XPR1: variants seen among roughly 807,000 people sequenced by gnomAD.
XPR1 encodes xenotropic and polytropic retrovirus receptor 1.
In XPR1, 28 loss-of-function variants were observed where a neutral mutation model predicts 87.5. The ratio of observed to expected loss-of-function variants is 0.32; its 90% CI spans 0.24 to 0.44. XPR1 has a LOEUF of 0.44. Ranked by LOEUF, XPR1 falls within the 20% of genes least tolerant of loss-of-function variation. The probability of loss-of-function intolerance (pLI) is 1.00; values close to 1 mark genes in which losing one functional copy is unlikely to be tolerated. For missense variants in XPR1, 559 were observed against 862.3 expected (o/e 0.65, Z 4.41); for synonymous variants, 300 against 306.1 (o/e 0.98, Z 0.21).
intron 11 of XPR1, among the ~76,000 whole-genome samples, chr1:180,846,877 C>G (rs541443755): frequency 1.3e-5 from 2 of 151,814 alleles, no homozygotes; most frequent in Non-Finnish European, 2.9e-5. Flanking sequence ...AAAAATGATG[C>G]CACTTAATAG....
intron 1 of XPR1, among the ~76,000 whole-genome samples, chr1:180,668,625 A>T (rs1190422590): frequency 6.6e-6 from 1 of 151,976 alleles, no homozygotes; most frequent in Non-Finnish European, 1.5e-5. Flanking sequence ...TCCTCTCTAA[A>T]TGTTTTACAA....
In XPR1 at chr1:180,708,920, G is replaced by T. The variant is rs1198908134; in HGVS notation, c.121+26509G>T. On this transcript the variant is annotated intron_variant, in intron 2 of 14. Transcript: ENST00000367590. ...TTTTTTTTTTTTTTTGGGGGGGGGG[G>T]GGCGGGGGCGGGGACAAGTCTCGCT... Among the ~76,000 whole-genome samples, 8 of 103,962 alleles carry T rather than the reference G, an allele frequency of 7.7e-5. No homozygotes were observed. In the East Asian group the frequency reaches 1.9e-3, roughly 25 times the overall value. 68.2% of individuals were successfully genotyped at this position (103,962 alleles called of 152,430 possible). A position where few individuals can be genotyped will look rare whatever the true frequency, so the allele number is the denominator to read the frequency against.
intron 2 of XPR1, among the ~76,000 whole-genome samples, chr1:180,762,750 G>GAC (rs768240385): frequency 3.9e-5 from 6 of 152,208 alleles, no homozygotes; most frequent in African/African-American, 7.2e-5. Context: ...GCCCCAGAAA[G>GAC]ACACTGACTA....
At chr1:180,639,742 A>T (rs1033075888) in intron 1 of XPR1, among the ~76,000 whole-genome samples, 2 of 152,202 alleles carry the variant, frequency 1.3e-5, no homozygotes, top group African/African-American at 2.4e-5. Context: ...GAAACTCTTA[A>T]CAGTTATTGA....
intron 4 of XPR1, among the ~76,000 whole-genome samples, chr1:180,804,872 T>A (rs978796666): frequency 2.6e-5 from 4 of 152,166 alleles, no homozygotes; most frequent in African/African-American, 9.7e-5. Context: ...TAAAATGTAT[T>A]TCCTCTTTCC....
intron 9 of XPR1, among the ~76,000 whole-genome samples, chr1:180,827,153 C>CAAAAAAAA (rs11324246): frequency 2.5e-4 from 17 of 66,906 alleles, no homozygotes; most frequent in African/African-American, 9.8e-4. Flanking sequence ...GACTCCTTCT[C>CAAAAAAAA]AAAAAAAAAA....
intron 2 of XPR1, among the ~76,000 whole-genome samples, chr1:180,737,292 TATC>T (rs1243019603): frequency 1.3e-5 from 2 of 152,178 alleles, no homozygotes; most frequent in African/African-American, 2.4e-5. Flanking sequence ...ACACTGGAGT[TATC>T]ATTGAAATAC....
intron 1 of XPR1, among the ~76,000 whole-genome samples, chr1:180,648,995 G>A (rs917502781): frequency 6.6e-6 from 1 of 152,064 alleles, no homozygotes; most frequent in Non-Finnish European, 1.5e-5. Context: ...CTTATGCACT[G>A]GGTTCCTGAA....
intron 7 of XPR1, among the ~76,000 whole-genome samples, chr1:180,818,198 T>A (rs1465725550): frequency 1.3e-5 from 2 of 152,226 alleles, no homozygotes; most frequent in African/African-American, 4.8e-5. Context: ...ATAATATTTG[T>A]GGTTCTTTTC....
rs541003128 is a variant in XPR1, at chr1:180,742,065, G to T, written c.122-45688G>T. ...CAGTCTTGCTTGAGTTTTTTTGTTT[G>T]TTTTTTTTAAATCAATTATATTACT... On this transcript the variant is annotated intron_variant, in intron 2 of 14. Transcript: ENST00000367590. 2.9e-3 allele frequency among the ~76,000 whole-genome samples: 433 copies of T among 149,802 alleles called. 2 individuals carry two copies. Among genetic ancestry groups the T allele is most frequent in the African/African-American group, 0.01 (412 of 40,814 alleles).
intron 2 of XPR1, among the ~76,000 whole-genome samples, chr1:180,707,171 G>C (rs1657587572): frequency 6.6e-6 from 1 of 152,132 alleles, no homozygotes. Context: ...GAGAAAACCA[G>C]GATAGATTTT....
At chr1:180,748,160 A>G (rs1413157154) in intron 2 of XPR1, among the ~76,000 whole-genome samples, 5 of 152,118 alleles carry the variant, frequency 3.3e-5, no homozygotes, top group African/African-American at 1.2e-4. Flanking sequence ...CTAAGTTTTA[A>G]TTCTCTTGTC....
intron 1 of XPR1, among the ~76,000 whole-genome samples, chr1:180,639,606 T>A (rs1163794407): frequency 1.3e-5 from 2 of 152,190 alleles, no homozygotes; most frequent in African/African-American, 4.8e-5. Flanking sequence ...AGGTTATTTT[T>A]ATGTGAGTTA....
chr1:180,758,299 T>C (rs868389189), intron 2 of XPR1, among the ~76,000 whole-genome samples: 3 of 152,128 alleles, frequency 2.0e-5, no homozygotes, highest in African/African-American at 2.4e-5. Context: ...AAAATAGATC[T>C]TATGAAAATA....
At chr1:180,735,212 CTT>C (rs1200265431) in intron 2 of XPR1, among the ~76,000 whole-genome samples, 2 of 152,162 alleles carry the variant, frequency 1.3e-5, no homozygotes, top group African/African-American at 2.4e-5. Flanking sequence ...CAAATAGTGA[CTT>C]TAAATGGTTT....
At chr1:180,824,088 T>G (rs1189565333) in intron 7 of XPR1, among the ~76,000 whole-genome samples, 1 of 152,240 alleles carries the variant, frequency 6.6e-6, no homozygotes, top group Non-Finnish European at 1.5e-5. Context: ...AGAGAGGTTT[T>G]GTCATGCCGG....
intron 2 of XPR1, among the ~76,000 whole-genome samples, chr1:180,685,834 T>C (rs1656751861): frequency 6.6e-6 from 1 of 152,158 alleles, no homozygotes; most frequent in African/African-American, 2.4e-5. Flanking sequence ...GGTGGTGATA[T>C]CCCCTTTATC....
intron 11 of XPR1, among the ~76,000 whole-genome samples, chr1:180,849,291 A>G (rs565089503): frequency 2.0e-5 from 3 of 152,356 alleles, no homozygotes; most frequent in African/African-American, 4.8e-5. Context: ...GCAAGGTCAC[A>G]TGACAGTAAG....
In XPR1 at chr1:180,831,362, CTT is replaced by C. The variant is rs753235095; in HGVS notation, c.1135-3494_1135-3493del. 2.8e-4 allele frequency among the ~76,000 whole-genome samples: 32 copies of C among 115,498 alleles called. 1 individual carries two copies. Among genetic ancestry groups the C allele is most frequent in the Non-Finnish European group, 4.3e-4 (23 of 53,772 alleles). The allele number at this position is 115,498 out of a possible 152,430, so 75.8% of individuals were successfully genotyped here. The stretch of plus-strand genomic sequence containing the variant: ...TTGCTTTCTATTTTCTTTTCTTTTT[CTT>C]TTTTTTTTTTTTTTTTTGATAACAT... On this transcript the variant is annotated intron_variant, in intron 9 of 14. Transcript: ENST00000367590.
Sources: allele counts gnomAD v4.1 joint callset (sites outside exome capture counted in the v4.1 genomes callset), GRCh38; gene constraint gnomAD v4.1.1; transcripts MANE v1.5; gene names NCBI Gene and HGNC (gene_info 2026-07-23, HGNC 2026-07-21).